The following MESP1 variants were observed in gnomAD, a reference collection of about 807,000 sequenced individuals.
MESP1 encodes the protein mesoderm posterior protein 1.
A neutral mutation model predicts 15.2 loss-of-function variants in MESP1; 22 were observed. The observed-to-expected ratio is 1.45, with a 90% CI of 1.04 to 2.07. The LOEUF is 2.07. Ranked by LOEUF, MESP1 falls within the 30% of genes most tolerant of loss-of-function variation. MESP1 has a pLI of 0.00. For missense variants in MESP1, 484 were observed against 411.9 expected, an observed-to-expected ratio of 1.17 and a Z score of -1.51; for synonymous variants, 216 against 192.6, an observed-to-expected ratio of 1.12 and a Z score of -1.01.
intron 1 of MESP1, 124 bp downstream of exon 1, chr15:89,750,385 C>A: frequency 2.1e-6 from 3 of 1,460,990 alleles, no homozygotes; most frequent in Non-Finnish European, 2.7e-6. Context: ...CCTGGGCATA[C>A]TATGGTGGCC....
At chr15:89,733,391 T>G in the MESP1 span, among the ~76,000 whole-genome samples, 3 of 152,218 alleles carry the variant, frequency 2.0e-5, no homozygotes, top group African/African-American at 7.2e-5. Flanking sequence ...CAATTTTTTC[T>G]AACAAAATTG....
chr15:89,746,714 CACACACAGCCCTACCTCCCCACACATAT>C (rs761538906), downstream of MESP1, among the ~76,000 whole-genome samples: 16 of 148,838 alleles, frequency 1.1e-4, no homozygotes, highest in East Asian at 2.0e-3. Context: ...CGCCTCCACA[CACACACAGCCCTACCTCCCCACACATAT>C]ACACACAGCC....
the MESP1 span, among the ~76,000 whole-genome samples, chr15:89,733,639 C>T: frequency 1.3e-5 from 2 of 152,024 alleles, no homozygotes; most frequent in South Asian, 2.1e-4. Context: ...GGAAGAGATA[C>T]CTGAGCTAGA....
chr15:89,733,147 G>C, the MESP1 span: 2 of 1,614,016 alleles, frequency 1.2e-6, no homozygotes, highest in African/African-American at 2.7e-5. Flanking sequence ...GTGGTGCTGT[G>C]CACAGACGCC....
chr15:89,750,033 C>A lies in MESP1; in HGVS notation c.*111G>T. On this transcript the variant is annotated 3_prime_UTR_variant, in exon 2 of 2. Coordinates refer to ENST00000300057, the MANE Select transcript of MESP1 (RefSeq NM_018670.4). ...CTCTCACCCGCAGGAATGCCCCCGT[C>A]GGGATCGCCCGTGCCCTCTTCCAGG... The A allele has an allele frequency of 3.8e-6, 4 of 1,063,292 alleles. No individual in the cohort carries two copies. Among genetic ancestry groups the A allele is most frequent in the South Asian group, 1.3e-5 (1 of 76,214 alleles). 65.9% of individuals were successfully genotyped at this position (1,063,292 alleles called of 1,614,324 possible).
At chr15:89,737,978 G>C in the MESP1 span, 1 of 1,522,890 alleles carries the variant, frequency 6.6e-7, no homozygotes, top group Non-Finnish European at 8.9e-7. Flanking sequence ...TGCTCACCTG[G>C]ACCACAGAGC....
chr15:89,733,370 C>T, the MESP1 span: 1 of 711,054 alleles, frequency 1.4e-6, no homozygotes, highest in Non-Finnish European at 2.3e-6. Flanking sequence ...ACCAATGTCA[C>T]ATATATGTTA....
the MESP1 span, among the ~76,000 whole-genome samples, chr15:89,740,884 A>G: frequency 6.6e-6 from 1 of 152,136 alleles, no homozygotes; most frequent in Non-Finnish European, 1.5e-5. Context: ...TCACACCTGT[A>G]ATCCCAGCAC....
chr15:89,746,321 CAG>C (rs1364741975), downstream of MESP1, among the ~76,000 whole-genome samples: 1 of 144,542 alleles, frequency 6.9e-6, no homozygotes, highest in Non-Finnish European at 1.5e-5. Flanking sequence ...AGTATCCACA[CAG>C]CATCCACACC....
At chr15:89,743,552 TG>T in the MESP1 span, 2 of 643,486 alleles carry the variant, frequency 3.1e-6, no homozygotes, top group Non-Finnish European at 5.3e-6. Context: ...AAGTATAATC[TG>T]GGGGACCTTC....
At chr15:89,736,547 A>T in the MESP1 span, among the ~76,000 whole-genome samples, 1 of 152,204 alleles carries the variant, frequency 6.6e-6, no homozygotes, top group South Asian at 2.1e-4. Flanking sequence ...ATCAGTTCAC[A>T]AAGTGACCGT....
At chr15:89,748,584 C>T (rs899541986), downstream of MESP1, 8 of 152,180 alleles carry the variant, frequency 5.3e-5, no homozygotes, top group Non-Finnish European at 1.5e-5. Context: ...TAAAAAGAAA[C>T]GAAGTTCTGA....
chr15:89,735,490 GC>G, the MESP1 span: 2 of 1,614,012 alleles, frequency 1.2e-6, no homozygotes, highest in Non-Finnish European at 1.7e-6. Flanking sequence ...TGTCCTATAG[GC>G]CTGTAAAGCA....
At chr15:89,743,224 T>C in the MESP1 span, 31 of 1,531,450 alleles carry the variant, frequency 2.0e-5, no homozygotes, top group African/African-American at 2.7e-5. Context: ...AGTCGAGGTC[T>C]GCCCTGGGGG....
chr15:89,743,553 G>C, the MESP1 span: 1 of 643,526 alleles, frequency 1.6e-6, no homozygotes, highest in South Asian at 1.9e-5. Context: ...AGTATAATCT[G>C]GGGGACCTTC....
At chr15:89,740,842 T>A in the MESP1 span, among the ~76,000 whole-genome samples, 4,112 of 152,128 alleles carry the variant, frequency 0.027, 182 homozygotes, top group African/African-American at 0.094. Context: ...ATTACTTTTT[T>A]AAAAAGTGTT....
At chr15:89,748,488 T>C (rs1243904380), downstream of MESP1, among the ~76,000 whole-genome samples, 3 of 152,152 alleles carry the variant, frequency 2.0e-5, no homozygotes, top group East Asian at 1.9e-4. Flanking sequence ...TCTGAAGCAG[T>C]TGAAAAACAA....
At chr15:89,748,358 G>T (rs1406203755), downstream of MESP1, among the ~76,000 whole-genome samples, 1 of 152,132 alleles carries the variant, frequency 6.6e-6, no homozygotes, top group Non-Finnish European at 1.5e-5. Flanking sequence ...CCCACTCTGT[G>T]GCCAAGCGCC....
chr15:89,740,605 G>A, the MESP1 span, among the ~76,000 whole-genome samples: 3 of 152,066 alleles, frequency 2.0e-5, no homozygotes, highest in South Asian at 4.1e-4. Flanking sequence ...GGGTTCAAGC[G>A]ATTCTCCTGC....
Sources: gnomAD v4.1 joint callset for allele counts (sites outside exome capture counted in the v4.1 genomes callset) on GRCh38, gnomAD v4.1.1 for gene constraint, MANE v1.5 for transcripts, NCBI Gene and HGNC (gene_info 2026-07-23, HGNC 2026-07-21) for gene names.